The following ANKRD23 variants were observed in gnomAD, a reference collection of about 807,000 sequenced individuals.
ANKRD23 encodes the protein ankyrin repeat domain-containing protein 23.
In ANKRD23, 52 loss-of-function variants were observed where a neutral mutation model predicts 38.1. That is an observed-to-expected ratio of 1.36 (90% CI 1.09 to 1.72). The LOEUF is 1.72. Among genes scored for constraint, ANKRD23 ranks in the 40% most tolerant of loss-of-function variants. ANKRD23 has a pLI of 0.00. For synonymous variants in ANKRD23, 167 were observed against 162.9 expected, an observed-to-expected ratio of 1.03 and a Z score of -0.19; for missense variants, 416 against 400.2, an observed-to-expected ratio of 1.04 and a Z score of -0.34.
At chr2:96,841,552 T>C (rs1426888302) in intron 3 of ANKRD23, among the ~76,000 whole-genome samples, 1 of 134,252 alleles carries the variant, frequency 7.4e-6, no homozygotes, top group Non-Finnish European at 1.5e-5. Flanking sequence ...TAATCCGAGA[T>C]CGTGCCACTG....
In ANKRD23 at chr2:96,839,758, A is replaced by T; in HGVS notation, c.791T>A (p.Leu264His). 1 of 1,613,464 alleles carries T rather than the reference A, an allele frequency of 6.2e-7. No individual in the cohort carries two copies. The highest frequency in any genetic ancestry group is 8.5e-7 in the Non-Finnish European group (1 of 1,179,948). The change falls in exon 8 of 9, where the codon CTC becomes CAC. Residue 264 changes from leucine to histidine, a missense_variant. Coordinates refer to ENST00000318357, the MANE Select transcript of ANKRD23 (RefSeq NM_144994.8). The part of the protein sequence containing the change: ...GSYKAMKLLL[L>H]YGAELGVRNA... ...CCGCACCCCCAGCTCGGCCCCATAG[A>T]GCAGCAGTAGCTTCATGGCTTTGTA...
At chr2:96,843,879 C>T in intron 1 of ANKRD23, 87 bp downstream of exon 1, 1 of 1,375,470 alleles carries the variant, frequency 7.3e-7, no homozygotes, top group Non-Finnish European at 1.0e-6. Context: ...CCTCACACCA[C>T]AGAAAGAAGC....
chr2:96,842,094 C>T lies in ANKRD23; in HGVS notation c.266G>A (p.Arg89Lys). The part of the protein sequence containing the change: ...VQRRKKRLRH[R>K]VPPRKPEPLV... ...GGGCTCAGGTTTCCTGGGGGGGACT[C>T]TGTGTCTCAGTCGCTTTTTCCGTCT... The change falls in exon 3 of 9, where the codon AGA (arginine) becomes AAA (lysine). Residue 89 changes from arginine (R) to lysine (K), a missense_variant. By Grantham distance (26) the Arg-to-Lys change is conservative. Coordinates refer to ENST00000318357, the MANE Select transcript of ANKRD23 (RefSeq NM_144994.8). 1 of 1,614,210 alleles carries T rather than the reference C, an allele frequency of 6.2e-7. No homozygotes were observed. Among genetic ancestry groups the T allele is most frequent in the African/African-American group, 1.3e-5 (1 of 75,078 alleles).
At chr2:96,841,929 G>A (rs1401881384) in intron 3 of ANKRD23, 131 bp downstream of exon 3, 2 of 1,336,000 alleles carry the variant, frequency 1.5e-6, no homozygotes, top group African/African-American at 2.9e-5. Context: ...GGGGGCTCTG[G>A]AGTGGATTTA....
In ANKRD23 at chr2:96,838,997, C is replaced by T. The variant is rs778598467; in HGVS notation, c.*552G>A. 1.5e-4 allele frequency: 148 copies of T among 985,786 alleles called. No homozygotes were observed. Among genetic ancestry groups the T allele is most frequent in the Non-Finnish European group, 1.7e-4 (139 of 830,310 alleles). 61.1% of individuals were successfully genotyped at this position (985,786 alleles called of 1,614,324 possible). On this transcript the variant is annotated 3_prime_UTR_variant, in exon 9 of 9. Coordinates refer to ENST00000318357, the MANE Select transcript of ANKRD23 (RefSeq NM_144994.8). Reference sequence around the variant, plus strand: ...GGTTGCTACTGACAGGAATGGGGTCCCCAGAGAAAGCCATGCCCACAGGCA... The same window carrying T: ...GGTTGCTACTGACAGGAATGGGGTCTCCAGAGAAAGCCATGCCCACAGGCA...
At chr2:96,840,736 G>C (rs1293786305) in intron 4 of ANKRD23, 51 bp downstream of exon 4, 3 of 1,610,410 alleles carry the variant, frequency 1.9e-6, no homozygotes, top group Non-Finnish European at 2.5e-6. Context: ...ACTGAAGGCA[G>C]CGCTCCTGCA....
chr2:96,842,439 T>C lies in ANKRD23; in HGVS notation c.100A>G (p.Ser34Gly), dbSNP rs1404649180. 2 of 1,607,816 alleles carry C rather than the reference T, an allele frequency of 1.2e-6. No individual in the cohort carries two copies. Among genetic ancestry groups the C allele is most frequent in the South Asian group, 2.2e-5 (2 of 90,916 alleles). ...TCTTGGGGGCCCCTCCTCCAGTCAC[T>C]AGGCCAGGCTCCAGGGTCAGGAACT... is the stretch of plus-strand genomic sequence containing the variant. ...HGVPDPGAWP[S>G]DWRRGPQEAV... Residue 34 changes from serine to glycine, a missense_variant, in exon 2 of 9, where the codon AGT becomes GGT. Ser to Gly is a moderately conservative substitution (Grantham distance 56, BLOSUM62 0). Coordinates refer to ENST00000318357, the MANE Select transcript of ANKRD23 (RefSeq NM_144994.8).
At position 96,839,565 on chromosome 2, in the gene ANKRD23, G is replaced by A. The variant is rs570323112; in HGVS notation, c.902C>T (p.Pro301Leu). Residue 301 changes from proline to leucine, a missense_variant, in exon 9 of 9, where the codon CCC becomes CTC. Transcript: ENST00000318357. ...REALQAHVAH[P>L]RTRC is the part of the protein sequence containing the mutation. Reference sequence around the variant, plus strand: ...GTGCTGCGGTCAGCACCGGGTGCGGGGATGCGCCACGTGGGCCTGCAGGGC... The same window carrying A: ...GTGCTGCGGTCAGCACCGGGTGCGGAGATGCGCCACGTGGGCCTGCAGGGC... 5.1e-5 allele frequency: 74 copies of A among 1,464,230 alleles called. No individual in the cohort carries two copies. The African/African-American group carries it at 9.9e-4, about 20-fold the overall frequency. The allele number at this position is 1,464,230 out of a possible 1,614,324, so 90.7% of individuals were successfully genotyped here.
chr2:96,840,569 C>T, intron 4 of ANKRD23, 55 bp from the exon 5 acceptor site: 1 of 1,583,748 alleles, frequency 6.3e-7, no homozygotes, highest in South Asian at 1.1e-5. Flanking sequence ...CCTAGAGACC[C>T]CACGCGGTCC....
At position 96,839,826 on chromosome 2, in the gene ANKRD23, C is replaced by A; in HGVS notation, c.724-1G>T. The stretch of plus-strand genomic sequence containing the variant: ...CCTCGTGCAGAGCCGTGTCCCCTTC[C>A]TGCTGAGAACGCAGGCAGTCAAGCT... On this transcript the variant is annotated splice_acceptor_variant, in intron 7 of 8. Coordinates refer to ENST00000318357, the MANE Select transcript of ANKRD23 (RefSeq NM_144994.8). LOFTEE classifies it high-confidence loss of function. 1 of 1,611,812 alleles carries A rather than the reference C, an allele frequency of 6.2e-7. No individual in the cohort carries two copies. Among genetic ancestry groups the A allele is most frequent in the African/African-American group, 1.3e-5 (1 of 75,010 alleles).
intron 7 of ANKRD23, 83 bp from the exon 8 acceptor site, chr2:96,839,908 C>A: frequency 6.5e-7 from 1 of 1,546,062 alleles, no homozygotes; most frequent in Non-Finnish European, 8.8e-7. Flanking sequence ...TGTCACCGAG[C>A]AGACAGCACC....
At chr2:96,843,935 G>T in intron 1 of ANKRD23, 31 bp downstream of exon 1, 1 of 1,598,288 alleles carries the variant, frequency 6.3e-7, no homozygotes, top group African/African-American at 1.3e-5. Context: ...CCGGTCCCAG[G>T]GTGCCTCCCA....
rs1468334468 is a variant in ANKRD23 at position 96,838,544 on chromosome 2, C to T, written c.*1005G>A. The T allele has an allele frequency of 1.1e-5, 11 of 985,798 alleles. No homozygotes were observed. Among genetic ancestry groups the T allele is most frequent in the Non-Finnish European group, 1.3e-5 (11 of 830,318 alleles). The allele number at this position is 985,798 out of a possible 1,614,324, so 61.1% of individuals were successfully genotyped here. ...GCTGGGTTCAGAGCTCCTCAGTGTCCTGGCCTCCCAGGTGGGATCAAGCAG... is the reference window on the plus strand; with the variant it reads ...GCTGGGTTCAGAGCTCCTCAGTGTCTTGGCCTCCCAGGTGGGATCAAGCAG... On this transcript the variant is annotated 3_prime_UTR_variant, in exon 9 of 9. Transcript: ENST00000318357.
At chr2:96,843,616 C>T (rs1305547364) in intron 1 of ANKRD23, among the ~76,000 whole-genome samples, 1 of 152,162 alleles carries the variant, frequency 6.6e-6, no homozygotes, top group Non-Finnish European at 1.5e-5. Flanking sequence ...CTTTCCCATT[C>T]GACTTCCCTC....
At position 96,840,013 on chromosome 2, in the gene ANKRD23, AG is replaced by A; in HGVS notation, c.706del (p.Leu236Ter). ...CTGCCTTACCTTATCCTGTGCGTTC[AG>A]GTGGGCGCCACACTCGATGAGGTGC... is the stretch of plus-strand genomic sequence containing the variant. The part of the protein sequence containing the change: ...LEHLIECGAH[L>X]NAQDKEGDTA... On this transcript the variant is annotated frameshift_variant, in exon 7 of 9. Coordinates refer to ENST00000318357, the MANE Select transcript of ANKRD23 (RefSeq NM_144994.8). LOFTEE classifies it high-confidence loss of function. The A allele has an allele frequency of 6.4e-7, 1 of 1,557,426 alleles. No homozygotes were observed. Among genetic ancestry groups the A allele is most frequent in the Non-Finnish European group, 8.7e-7 (1 of 1,149,950 alleles).
chr2:96,842,289 C>T, intron 2 of ANKRD23, 76 bp downstream of exon 2: 1 of 1,602,668 alleles, frequency 6.2e-7, no homozygotes, highest in East Asian at 2.2e-5. Flanking sequence ...CCACCAGAGT[C>T]CCTCCAGGCC....
intron 2 of ANKRD23, 41 bp from the exon 3 acceptor site, chr2:96,842,226 G>T (rs1172563154): frequency 6.2e-7 from 1 of 1,612,768 alleles, no homozygotes; most frequent in Non-Finnish European, 8.5e-7. Flanking sequence ...TCAGCCGCTG[G>T]TCAAGAGATC....
At chr2:96,843,107 C>T (rs896855568) in intron 1 of ANKRD23, among the ~76,000 whole-genome samples, 10 of 152,198 alleles carry the variant, frequency 6.6e-5, no homozygotes, top group African/African-American at 9.7e-5. Context: ...TTCCTCCCAC[C>T]GGGCCCCACC....
At position 96,839,363 on chromosome 2, in the gene ANKRD23, A is replaced by C; in HGVS notation, c.*186T>G. 8.0e-7 allele frequency: 1 copy of C among 1,254,820 alleles called. No homozygotes were observed. Among genetic ancestry groups the C allele is most frequent in the Non-Finnish European group, 1.0e-6 (1 of 1,002,308 alleles). 77.7% of individuals were successfully genotyped at this position (1,254,820 alleles called of 1,614,324 possible). A position where few individuals can be genotyped will look rare whatever the true frequency, so the allele number is the denominator to read the frequency against. ...GCTCCCCTGACACTCGAAGCCAGGG[A>C]GGCCTCTCTCTTTGCCTGCTGGGCC... On this transcript the variant is annotated 3_prime_UTR_variant, in exon 9 of 9. Transcript: ENST00000318357.
Sources: allele counts gnomAD v4.1 joint callset (sites outside exome capture counted in the v4.1 genomes callset), GRCh38; gene constraint gnomAD v4.1.1; transcripts MANE v1.5; gene names NCBI Gene and HGNC (gene_info 2026-07-23, HGNC 2026-07-21).